ASB4: variants seen among roughly 807,000 people sequenced by gnomAD.
ASB4 encodes the protein ankyrin repeat and SOCS box containing 4, also known as ankyrin repeat and SOCS box protein 4.
A neutral mutation model predicts 38.6 loss-of-function variants in ASB4; 35 were observed. That is an observed-to-expected ratio of 0.91 (90% CI 0.69 to 1.20). The LOEUF is 1.20. Among genes scored for constraint, ASB4 ranks in the 50% most tolerant of loss-of-function variants. The probability of loss-of-function intolerance (pLI) is 0.00; values close to 1 mark genes in which losing one functional copy is unlikely to be tolerated. For missense variants in ASB4, 557 were observed against 527.2 expected, an observed-to-expected ratio of 1.06 and a Z score of -0.55; for synonymous variants, 195 against 201.3, an observed-to-expected ratio of 0.97 and a Z score of 0.26.
chr7:95,523,474 A>G (rs543038528), intron 2 of ASB4, among the ~76,000 whole-genome samples: 1 of 152,340 alleles, frequency 6.6e-6, no homozygotes, highest in East Asian at 1.9e-4. Flanking sequence ...GAAAGTGTCT[A>G]AACTCTAATA....
chr7:95,474,663 G>A (rs764930042), upstream of ASB4, among the ~76,000 whole-genome samples: 4 of 151,964 alleles, frequency 2.6e-5, no homozygotes, highest in African/African-American at 7.2e-5. Context: ...CTGAAACTAC[G>A]GGCACATGCC....
chr7:95,492,499 A>G (rs1355673360), intron 1 of ASB4, among the ~76,000 whole-genome samples: 1 of 152,192 alleles, frequency 6.6e-6, no homozygotes, highest in East Asian at 1.9e-4. Flanking sequence ...TGAGGCAGGC[A>G]ACTCATGGCT....
chr7:95,523,266 G>A (rs181708204), intron 2 of ASB4, among the ~76,000 whole-genome samples: 140 of 152,256 alleles, frequency 9.2e-4, no homozygotes, highest in African/African-American at 3.1e-3. Flanking sequence ...CTTGACAATC[G>A]AAAGTCAACA....
chr7:95,521,448 C>A (rs1187794162), intron 2 of ASB4, among the ~76,000 whole-genome samples: 1 of 151,944 alleles, frequency 6.6e-6, no homozygotes, highest in Non-Finnish European at 1.5e-5. Flanking sequence ...TGATTTTGAA[C>A]CTTTAAACTC....
At chr7:95,507,251 A>C (rs181067769) in intron 2 of ASB4, among the ~76,000 whole-genome samples, 1 of 151,942 alleles carries the variant, frequency 6.6e-6, no homozygotes, top group African/African-American at 2.4e-5. Flanking sequence ...AGATTCTCCG[A>C]AAAAAAATCT....
the ASB4 span, among the ~76,000 whole-genome samples, chr7:95,546,448 G>T: frequency 2.8e-4 from 42 of 152,140 alleles, no homozygotes; most frequent in East Asian, 8.1e-3. Flanking sequence ...TTGGAGCAAG[G>T]TTGACTCATT....
At chr7:95,472,045 TACTC>T in the ASB4 span, 2 of 152,138 alleles carry the variant, frequency 1.3e-5, no homozygotes, top group Non-Finnish European at 2.9e-5. Flanking sequence ...AGTGTCCTCA[TACTC>T]ACAGCAAAAG....
At chr7:95,485,026 A>G (rs568880843), upstream of ASB4, among the ~76,000 whole-genome samples, 4 of 148,986 alleles carry the variant, frequency 2.7e-5, no homozygotes, top group Non-Finnish European at 5.9e-5. Flanking sequence ...ATGTGTATAT[A>G]TGTATATATG....
At chr7:95,540,382 T>A (rs948166146), downstream of ASB4, 4 of 152,192 alleles carry the variant, frequency 2.6e-5, no homozygotes, top group Non-Finnish European at 5.9e-5. Context: ...AAATAAATAA[T>A]GTTTTCAAAA....
chr7:95,543,554 A>C (rs1790997207), downstream of ASB4: 1 of 152,328 alleles, frequency 6.6e-6, no homozygotes, highest in East Asian at 1.9e-4. Context: ...CACGGAAGGC[A>C]GGTGGACTTG....
chr7:95,542,026 C>G (rs537352469), downstream of ASB4: 9 of 151,738 alleles, frequency 5.9e-5, no homozygotes, highest in African/African-American at 1.9e-4. Flanking sequence ...ATGATCACAC[C>G]ACTGTATTCC....
intron 2 of ASB4, among the ~76,000 whole-genome samples, chr7:95,518,433 G>T (rs1001234460): frequency 6.6e-6 from 1 of 152,228 alleles, no homozygotes; most frequent in South Asian, 2.1e-4. Context: ...ATCAAATGGA[G>T]GGCCTTGATT....
chr7:95,537,060 C>T (rs1790898500), intron 4 of ASB4, among the ~76,000 whole-genome samples: 1 of 152,086 alleles, frequency 6.6e-6, no homozygotes, highest in Non-Finnish European at 1.5e-5. Context: ...CACTGAACAC[C>T]CTTGGTTCTT....
At chr7:95,541,270 G>T (rs1304231974), downstream of ASB4, among the ~76,000 whole-genome samples, 1 of 152,094 alleles carries the variant, frequency 6.6e-6, no homozygotes, top group Non-Finnish European at 1.5e-5. Context: ...GACTTTTATA[G>T]GATTGTTTTG....
downstream of ASB4, among the ~76,000 whole-genome samples, chr7:95,540,476 G>T (rs1790956772): frequency 6.6e-6 from 1 of 152,192 alleles, no homozygotes; most frequent in South Asian, 2.1e-4. Context: ...TAGTAGTAAA[G>T]AAATTGTACT....
intron 2 of ASB4, among the ~76,000 whole-genome samples, chr7:95,516,749 T>C (rs1346387779): frequency 6.6e-6 from 1 of 152,246 alleles, no homozygotes; most frequent in African/African-American, 2.4e-5. Flanking sequence ...TCCTATTCCT[T>C]CACTGGTCTT....
At chr7:95,480,782 T>A (rs1456755820) in intron 1 of ASB4, among the ~76,000 whole-genome samples, 1 of 152,186 alleles carries the variant, frequency 6.6e-6, no homozygotes, top group Admixed American at 6.5e-5. Flanking sequence ...TGAGAGATAA[T>A]AAATGATGAC....
At chr7:95,492,207 G>C (rs771313925) in intron 1 of ASB4, among the ~76,000 whole-genome samples, 8 of 152,208 alleles carry the variant, frequency 5.3e-5, no homozygotes, top group Non-Finnish European at 7.3e-5. Context: ...GATTACAGGA[G>C]ATGCAGAAGA....
At chr7:95,523,061 T>G (rs1790685027) in intron 2 of ASB4, among the ~76,000 whole-genome samples, 1 of 152,220 alleles carries the variant, frequency 6.6e-6, no homozygotes, top group Non-Finnish European at 1.5e-5. Context: ...ACTGTATGTC[T>G]GCATGGAAGG....
Sources: allele counts gnomAD v4.1 joint callset (sites outside exome capture counted in the v4.1 genomes callset), GRCh38; gene constraint gnomAD v4.1.1; transcripts MANE v1.5; gene names NCBI Gene and HGNC (gene_info 2026-07-23, HGNC 2026-07-21).